The following PDE10A variants were observed in gnomAD, a reference collection of about 807,000 sequenced individuals.
The protein encoded by PDE10A is phosphodiesterase 10A.
PDE10A carries 39 observed loss-of-function variants against 97.7 expected under a neutral mutation model. That is an observed-to-expected ratio of 0.40 (90% CI 0.31 to 0.52). The LOEUF (loss-of-function observed/expected upper bound fraction) is 0.52. Among genes scored for constraint, PDE10A ranks in the 20% least tolerant of loss-of-function variants. The pLI, the probability that PDE10A is intolerant of heterozygous loss-of-function variation, is 0.56. For missense variants in PDE10A, 731 were observed against 1,047.8 expected (o/e 0.70, Z 4.17); for synonymous variants, 371 against 376.8 (o/e 0.98, Z 0.18).
intron 1 of PDE10A, among the ~76,000 whole-genome samples, chr6:165,720,798 A>G (rs561685128): frequency 1.3e-5 from 2 of 152,334 alleles, no homozygotes; most frequent in South Asian, 4.1e-4. Flanking sequence ...GTTTAGGATG[A>G]TCAGACAAAG....
intron 1 of PDE10A, among the ~76,000 whole-genome samples, chr6:165,921,147 C>A (rs1037296528): frequency 6.6e-6 from 1 of 152,190 alleles, no homozygotes; most frequent in African/African-American, 2.4e-5. Context: ...TTCCCCAGTG[C>A]CAGCCATACC....
chr6:165,967,119 T>TA (rs1784533552), intron 1 of PDE10A, among the ~76,000 whole-genome samples: 1 of 152,228 alleles, frequency 6.6e-6, no homozygotes, highest in African/African-American at 2.4e-5. Flanking sequence ...TTCCTAGAGA[T>TA]GCCCTGGGCT....
chr6:165,619,624 G>A (rs1467765571), intron 1 of PDE10A, among the ~76,000 whole-genome samples: 1 of 151,888 alleles, frequency 6.6e-6, no homozygotes, highest in African/African-American at 2.4e-5. Context: ...CTAGTGTACT[G>A]TAGTATAGTG....
At chr6:165,781,913 A>T (rs1778350575) in intron 1 of PDE10A, 1 of 152,218 alleles carries the variant, frequency 6.6e-6, no homozygotes. Flanking sequence ...TTGTTCTTCT[A>T]ACTTAGAGAA....
chr6:165,956,032 GA>G (rs1389829903), intron 1 of PDE10A, among the ~76,000 whole-genome samples: 1 of 152,202 alleles, frequency 6.6e-6, no homozygotes, highest in East Asian at 1.9e-4. Flanking sequence ...TGCCTGAACA[GA>G]AGACTGGGAG....
chr6:165,386,250 G>C (rs1201095327), intron 17 of PDE10A, among the ~76,000 whole-genome samples: 9 of 152,172 alleles, frequency 5.9e-5, no homozygotes, highest in Non-Finnish European at 1.3e-4. Context: ...TGGACCTGGA[G>C]CTTCACCATC....
intron 1 of PDE10A, among the ~76,000 whole-genome samples, chr6:165,571,710 G>A (rs1182999581): frequency 6.6e-6 from 1 of 152,132 alleles, no homozygotes; most frequent in East Asian, 1.9e-4. Flanking sequence ...AGTACCAGTT[G>A]ACCTGCCTGT....
intron 1 of PDE10A, among the ~76,000 whole-genome samples, chr6:165,968,978 C>T (rs767666814): frequency 5.9e-5 from 9 of 152,154 alleles, no homozygotes; most frequent in Non-Finnish European, 1.0e-4. Context: ...GATGAAACCT[C>T]CCTGTCTCTA....
intron 1 of PDE10A, among the ~76,000 whole-genome samples, chr6:165,979,254 A>G (rs190724822): frequency 2.0e-5 from 3 of 152,286 alleles, no homozygotes; most frequent in Admixed American, 2.0e-4. Flanking sequence ...TGAACTCCCC[A>G]TTAGCACCAA....
At chr6:165,740,119 G>A (rs773114015) in intron 1 of PDE10A, among the ~76,000 whole-genome samples, 3 of 152,120 alleles carry the variant, frequency 2.0e-5, no homozygotes, top group South Asian at 2.1e-4. Context: ...ATACAAATCC[G>A]AAGGACATAA....
At chr6:165,339,805 G>A (rs564425189) in intron 19 of PDE10A, among the ~76,000 whole-genome samples, 1 of 152,326 alleles carries the variant, frequency 6.6e-6, no homozygotes, top group Non-Finnish European at 1.5e-5. Context: ...AAATGTGCTA[G>A]TAAAGACGCA....
At chr6:165,913,882 C>A (rs1260200547) in intron 1 of PDE10A, among the ~76,000 whole-genome samples, 1 of 152,216 alleles carries the variant, frequency 6.6e-6, no homozygotes, top group Admixed American at 6.5e-5. Flanking sequence ...ATGGTTCTTG[C>A]AGTTTCGCAA....
intron 2 of PDE10A, among the ~76,000 whole-genome samples, chr6:165,539,861 G>A (rs1269872657): frequency 6.6e-6 from 1 of 152,130 alleles, no homozygotes; most frequent in Non-Finnish European, 1.5e-5. Context: ...TTGAGGCGGA[G>A]GTTGCAGTGA....
At chr6:165,545,804 A>G (rs1227743856) in intron 1 of PDE10A, among the ~76,000 whole-genome samples, 2 of 152,110 alleles carry the variant, frequency 1.3e-5, no homozygotes, top group African/African-American at 4.8e-5. Flanking sequence ...ATTATCATTT[A>G]ATCATGATAA....
At chr6:165,518,961 A>G (rs1337367338) in intron 2 of PDE10A, among the ~76,000 whole-genome samples, 1 of 152,208 alleles carries the variant, frequency 6.6e-6, no homozygotes, top group African/African-American at 2.4e-5. Context: ...CATGAAATGC[A>G]TATCAGTGCA....
At chr6:165,681,487 G>A (rs1257669136) in intron 1 of PDE10A, among the ~76,000 whole-genome samples, 1 of 151,864 alleles carries the variant, frequency 6.6e-6, no homozygotes, top group Admixed American at 6.6e-5. Context: ...CTTAAAAACA[G>A]ACCTCCCCCT....
At chr6:165,613,117 CTTATT>C (rs1787573292) in intron 1 of PDE10A, among the ~76,000 whole-genome samples, 2 of 152,086 alleles carry the variant, frequency 1.3e-5, no homozygotes, top group South Asian at 4.1e-4. Context: ...AAACAAATCC[CTTATT>C]TTGATTCTAT....
intron 1 of PDE10A, among the ~76,000 whole-genome samples, chr6:165,682,971 TTGTC>T (rs879785995): frequency 6.6e-6 from 1 of 152,158 alleles, no homozygotes. Context: ...TGTGTTAAAA[TTGTC>T]TGTTCATTGT....
chr6:165,967,633 T>C (rs1048689697), intron 1 of PDE10A, among the ~76,000 whole-genome samples: 3 of 152,246 alleles, frequency 2.0e-5, no homozygotes, highest in African/African-American at 7.2e-5. Flanking sequence ...AAATAGCATC[T>C]GTACATGAGA....
Sources: allele counts gnomAD v4.1 joint callset (sites outside exome capture counted in the v4.1 genomes callset), GRCh38; gene constraint gnomAD v4.1.1; transcripts MANE v1.5; gene names NCBI Gene and HGNC (gene_info 2026-07-23, HGNC 2026-07-21).